The following SELENOK variants were observed in gnomAD, a reference collection of about 807,000 sequenced individuals.
SELENOK encodes the protein selenoprotein K.
SELENOK carries 11 observed loss-of-function variants against 17.3 expected under a neutral mutation model. The observed-to-expected ratio is 0.63, with a 90% confidence interval of 0.40 to 1.05. The LOEUF is 1.05. Among genes scored for constraint, SELENOK ranks in the 50% least tolerant of loss-of-function variants. The probability of loss-of-function intolerance (pLI) is 0.00; values close to 1 mark genes in which losing one functional copy is unlikely to be tolerated. For synonymous variants in SELENOK, 45 were observed against 35.4 expected (o/e 1.27, Z -0.97); for missense variants, 125 against 113.9 (o/e 1.10, Z -0.44).
Position 53,891,849 on chromosome 3 carries a change from TC to T in SELENOK, c.-62del. The T allele has an allele frequency of 6.4e-7, 1 of 1,569,030 alleles. No homozygotes were observed. Among genetic ancestry groups the T allele is most frequent in the Non-Finnish European group, 8.8e-7 (1 of 1,139,970 alleles). On this transcript the variant is annotated 5_prime_UTR_variant, in exon 1 of 5. Transcript: ENST00000495461. Reference sequence around the variant, plus strand: ...CCTGGCCCCTGTCGGTTTCTGTATCTCCCTCTGCTCCCCGCCCTTCGAGCGT... The same window carrying T: ...CCTGGCCCCTGTCGGTTTCTGTATCTCCTCTGCTCCCCGCCCTTCGAGCGT...
At chr3:53,891,541 C>G (rs116821460) in intron 1 of SELENOK, among the ~76,000 whole-genome samples, 65 of 152,286 alleles carry the variant, frequency 4.3e-4, no homozygotes, top group African/African-American at 1.5e-3. Flanking sequence ...TGCAGGGCTC[C>G]CAGTACTCAA....
At chr3:53,886,664 C>A (rs1231300723) in intron 3 of SELENOK, among the ~76,000 whole-genome samples, 187 bp downstream of exon 3, 3 of 152,280 alleles carry the variant, frequency 2.0e-5, no homozygotes, top group African/African-American at 7.2e-5. Flanking sequence ...TATATTTTAG[C>A]TTTGTCAGAT....
At position 53,886,879 on chromosome 3, in the gene SELENOK, A is replaced by G; in HGVS notation, c.166T>C (p.Ser56Pro). 2 of 1,571,654 alleles carry G rather than the reference A, an allele frequency of 1.3e-6. No individual in the cohort carries two copies. The highest frequency in any genetic ancestry group is 1.7e-6 in the Non-Finnish European group (2 of 1,156,854). The part of the protein sequence containing the change: ...VKKRRSYGNS[S>P]DSRYDDGRGP... Reference sequence around the variant, plus strand: ...CTTCCATCATCATATCTGGAATCAGATGAGTTTCCATAGCTTCTTCTTTTT... The same window carrying G: ...CTTCCATCATCATATCTGGAATCAGGTGAGTTTCCATAGCTTCTTCTTTTT... Residue 56 changes from serine (S) to proline (P), a missense_variant, in exon 3 of 5, where the codon TCT (serine) becomes CCT (proline). Transcript: ENST00000495461.
chr3:53,887,000 GT>G, intron 2 of SELENOK, 66 bp from the exon 3 acceptor site: 1 of 1,267,430 alleles, frequency 7.9e-7, no homozygotes, highest in Non-Finnish European at 1.1e-6. Context: ...ATATTTCCAT[GT>G]TTTTTAACCA....
intron 2 of SELENOK, among the ~76,000 whole-genome samples, chr3:53,887,753 G>A (rs1261188392): frequency 6.6e-6 from 1 of 152,086 alleles, no homozygotes; most frequent in African/African-American, 2.4e-5. Context: ...TGAAAAAAGG[G>A]TCTCCCACAT....
At position 53,889,057 on chromosome 3, in the gene SELENOK, C is replaced by A. The variant is rs529775156; in HGVS notation, c.20-574G>T. 2.3e-3 allele frequency among the ~76,000 whole-genome samples: 351 copies of A among 151,328 alleles called. 3 individuals carry two copies. The highest frequency in any genetic ancestry group is 8.1e-3 in the African/African-American group (334 of 41,296). On this transcript the variant is annotated intron_variant, in intron 1 of 4. Coordinates refer to ENST00000495461, the MANE Select transcript of SELENOK (RefSeq NM_021237.5). ...GGGCGACAGAGCAAGAAAAAAAAAA[C>A]AAAAAACAACAAAAAAACACATATA...
intron 1 of SELENOK, among the ~76,000 whole-genome samples, chr3:53,890,514 G>C (rs1700159943): frequency 6.6e-6 from 1 of 152,186 alleles, no homozygotes; most frequent in African/African-American, 2.4e-5. Context: ...ACGATAAAGA[G>C]TCCTAATCGG....
intron 3 of SELENOK, 102 bp downstream of exon 3, chr3:53,886,749 T>A (rs913363728): frequency 1.5e-6 from 1 of 669,846 alleles, no homozygotes; most frequent in African/African-American, 1.9e-5. Flanking sequence ...AAAATAGGAT[T>A]TAAACTTTTA....
chr3:53,885,446 G>T lies in SELENOK; in HGVS notation c.*112C>A. 1 of 1,056,642 alleles carries T rather than the reference G, an allele frequency of 9.5e-7. No homozygotes were observed. Among genetic ancestry groups the T allele is most frequent in the Non-Finnish European group, 1.4e-6 (1 of 704,978 alleles). 65.5% of individuals were successfully genotyped at this position (1,056,642 alleles called of 1,614,324 possible). On this transcript the variant is annotated 3_prime_UTR_variant, in exon 5 of 5. Coordinates refer to ENST00000495461, the MANE Select transcript of SELENOK (RefSeq NM_021237.5). The stretch of plus-strand genomic sequence containing the variant: ...TCTGTGAGGACACAGAGCAGTCCTT[G>T]TTTAGACATACACATTCATCTACTG...
intron 1 of SELENOK, chr3:53,890,883 A>G (rs907588140): frequency 2.6e-5 from 4 of 152,268 alleles, no homozygotes; most frequent in East Asian, 1.9e-4. Context: ...CCTAGTTCCA[A>G]TGATCCACAA....
chr3:53,886,409 G>T (rs943740535), intron 3 of SELENOK, among the ~76,000 whole-genome samples: 1 of 152,106 alleles, frequency 6.6e-6, no homozygotes, highest in Non-Finnish European at 1.5e-5. Context: ...GCTAATTTTT[G>T]TATTTTAGTA....
intron 1 of SELENOK, 56 bp downstream of exon 1, chr3:53,891,714 C>G: frequency 3.1e-6 from 5 of 1,607,718 alleles, no homozygotes; most frequent in South Asian, 1.1e-5. Context: ...ATGAAAGGAA[C>G]CTGGAGTCCG....
At chr3:53,888,903 A>C (rs1398260918) in intron 1 of SELENOK, among the ~76,000 whole-genome samples, 1 of 152,080 alleles carries the variant, frequency 6.6e-6, no homozygotes, top group Non-Finnish European at 1.5e-5. Flanking sequence ...AAAAACTACA[A>C]AAAATTAGCT....
At chr3:53,887,982 T>A (rs942745060) in intron 2 of SELENOK, 1 of 152,740 alleles carries the variant, frequency 6.5e-6, no homozygotes, top group South Asian at 2.1e-4. Context: ...GTTTACTTCT[T>A]TGGAATTTTT....
chr3:53,888,785 G>A (rs539650514), intron 1 of SELENOK, among the ~76,000 whole-genome samples: 8 of 152,226 alleles, frequency 5.3e-5, no homozygotes, highest in East Asian at 1.9e-4. Context: ...GGCTGGGCGC[G>A]GTGGCTCATG....
rs1700114471 is a variant in SELENOK at position 53,885,091 on chromosome 3, A to T, written c.*467T>A. ...TATGTTAAAGATAAAAATTAATTCA[A>T]GAGCACAGATATGCTATGCATACTA... is the stretch of plus-strand genomic sequence containing the variant. On this transcript the variant is annotated 3_prime_UTR_variant, in exon 5 of 5. Transcript: ENST00000495461. 6.5e-6 allele frequency: 1 copy of T among 152,908 alleles called. No individual in the cohort carries two copies. 9.5% of individuals were successfully genotyped at this position (152,908 alleles called of 1,614,324 possible). A position where few individuals can be genotyped will look rare whatever the true frequency, so the allele number is the denominator to read the frequency against.
At chr3:53,886,523 C>T (rs145992320) in intron 3 of SELENOK, among the ~76,000 whole-genome samples, 9 of 152,298 alleles carry the variant, frequency 5.9e-5, no homozygotes, top group South Asian at 2.1e-4. Context: ...CTCAAGCCAC[C>T]GTGCCTGGCG....
chr3:53,887,145 C>T (rs957491926), intron 2 of SELENOK, among the ~76,000 whole-genome samples: 3 of 152,196 alleles, frequency 2.0e-5, no homozygotes, highest in Admixed American at 6.5e-5. Flanking sequence ...TCTACCCTTC[C>T]TTGTATTTCT....
chr3:53,887,438 GTAAAA>G (rs1157058583), intron 2 of SELENOK, among the ~76,000 whole-genome samples: 1 of 152,210 alleles, frequency 6.6e-6, no homozygotes, highest in Non-Finnish European at 1.5e-5. Flanking sequence ...GGTGAAATTT[GTAAAA>G]GAGTTAAGTT....
Sources: allele counts gnomAD v4.1 joint callset (sites outside exome capture counted in the v4.1 genomes callset), GRCh38; gene constraint gnomAD v4.1.1; transcripts MANE v1.5; gene names NCBI Gene and HGNC (gene_info 2026-07-23, HGNC 2026-07-21).